Variants in IQCE observed in about 807,000 individuals in gnomAD.
IQCE encodes IQ domain-containing protein E.
Under a neutral mutation model 96.0 loss-of-function variants are expected in IQCE, and 115 were observed. That is an observed-to-expected ratio of 1.20 (90% CI 1.03 to 1.40). The LOEUF is 1.40. Ranked by LOEUF, IQCE falls within the 40% of genes most tolerant of loss-of-function variation. IQCE has a pLI of 0.00. For missense variants in IQCE, 1,041 were observed against 909.1 expected (o/e 1.15, Z -1.87); for synonymous variants, 412 against 371.2 (o/e 1.11, Z -1.26).
rs1285598048 is a variant in IQCE, at chr7:2,614,524, T to C, written c.*4362T>C. ...ACCCTTAAAAGCAACAGAAATGACG[T>C]CTGGAAGCTGAAATGTGAAACTGTC... On this transcript the variant is annotated 3_prime_UTR_variant, in exon 22 of 22. Transcript: ENST00000402050. 6.6e-6 allele frequency: 1 copy of C among 152,180 alleles called. No homozygotes were observed. The highest frequency in any genetic ancestry group is 1.5e-5 in the Non-Finnish European group (1 of 68,036). 9.4% of individuals were successfully genotyped at this position (152,180 alleles called of 1,614,324 possible).
At chr7:2,562,179 T>G (rs1295443479) in intron 1 of IQCE, among the ~76,000 whole-genome samples, 1 of 152,132 alleles carries the variant, frequency 6.6e-6, no homozygotes, top group Non-Finnish European at 1.5e-5. Flanking sequence ...TTTATTAATA[T>G]GGAATATTGA....
rs1265342485 is a variant in IQCE, at chr7:2,614,365, GAC to G, written c.*4209_*4210del. On this transcript the variant is annotated 3_prime_UTR_variant, in exon 22 of 22. Coordinates refer to ENST00000402050, the MANE Select transcript of IQCE (RefSeq NM_152558.5). ...CGGATTCTCTGAGGACCAGGGAGTTGACACACAAACCCCGCCATGGGTCCGAG... is the reference window on the plus strand; with the variant it reads ...CGGATTCTCTGAGGACCAGGGAGTTGACACAAACCCCGCCATGGGTCCGAG... 6.6e-6 allele frequency: 1 copy of G among 152,234 alleles called. No individual in the cohort carries two copies. The highest frequency in any genetic ancestry group is 6.5e-5 in the Admixed American group (1 of 15,288). The allele number at this position is 152,234 out of a possible 1,614,324, so 9.4% of individuals were successfully genotyped here.
intron 5 of IQCE, chr7:2,572,618 G>T: frequency 3.5e-6 from 2 of 569,142 alleles, no homozygotes; most frequent in Non-Finnish European, 6.5e-6. Context: ...TTGAGTAAAT[G>T]ATATTAGGAA....
intron 16 of IQCE, 74 bp from the exon 17 acceptor site, chr7:2,598,391 T>G (rs1784205149): frequency 1.4e-6 from 2 of 1,411,522 alleles, no homozygotes; most frequent in South Asian, 2.8e-5. Context: ...CCGGGTAATA[T>G]CCTGTCCCCT....
At chr7:2,597,727 G>A (rs1316266159) in intron 16 of IQCE, among the ~76,000 whole-genome samples, 1 of 152,196 alleles carries the variant, frequency 6.6e-6, no homozygotes, top group African/African-American at 2.4e-5. Context: ...GACTACAGCG[G>A]CACAATCATG....
chr7:2,582,696 C>G (rs372089191), intron 9 of IQCE, 46 bp downstream of exon 9: 18 of 1,564,502 alleles, frequency 1.2e-5, no homozygotes, highest in African/African-American at 1.1e-4. Context: ...GCCCCGTGTT[C>G]TGCTTGCTCA....
chr7:2,588,112 C>G (rs563669277), intron 13 of IQCE, among the ~76,000 whole-genome samples: 1 of 152,244 alleles, frequency 6.6e-6, no homozygotes, highest in Non-Finnish European at 1.5e-5. Context: ...GCGCTTCGCA[C>G]TGGAGCCCCT....
rs918903436 is a variant in IQCE, at chr7:2,571,355, G to A, written c.131-171G>A. On this transcript the variant is annotated intron_variant, in intron 3 of 21. Coordinates refer to ENST00000402050, the MANE Select transcript of IQCE (RefSeq NM_152558.5). ...TTTCTTTATAATAAAAGTTAAAGGA[G>A]AAATGTCAGTATATAGGTAAAGTAA... 17 of 760,770 alleles carry A rather than the reference G, an allele frequency of 2.2e-5. 1 individual carries two copies. Among genetic ancestry groups the A allele is most frequent in the East Asian group, 1.3e-4 (5 of 37,102 alleles). 47.1% of individuals were successfully genotyped at this position (760,770 alleles called of 1,614,324 possible).
intron 1 of IQCE, 66 bp downstream of exon 1, chr7:2,559,283 C>T (rs915738229): frequency 2.9e-6 from 3 of 1,046,218 alleles, no homozygotes; most frequent in African/African-American, 1.7e-5. Context: ...CTCCGTCGCC[C>T]GCAGCCTCGG....
At chr7:2,579,702 TGTGTG>T (rs1782506389) in intron 8 of IQCE, among the ~76,000 whole-genome samples, 1 of 19,430 alleles carries the variant, frequency 5.1e-5, no homozygotes, top group Admixed American at 4.7e-4. Context: ...GTTCTGGTGG[TGTGTG>T]TGTGTGTGTG....
chr7:2,587,993 G>A, intron 13 of IQCE, 116 bp downstream of exon 13: 1 of 973,536 alleles, frequency 1.0e-6, no homozygotes, highest in Non-Finnish European at 1.6e-6. Flanking sequence ...CTGCCAGGCA[G>A]CGCCACACAC....
At chr7:2,591,043 A>G (rs1336970545) in intron 14 of IQCE, among the ~76,000 whole-genome samples, 2 of 152,318 alleles carry the variant, frequency 1.3e-5, no homozygotes, top group African/African-American at 4.8e-5. Context: ...GCCTGAGTCC[A>G]GGAGTTCGAG....
At chr7:2,566,182 A>C (rs567742674) in intron 1 of IQCE, among the ~76,000 whole-genome samples, 2 of 152,326 alleles carry the variant, frequency 1.3e-5, no homozygotes, top group South Asian at 4.1e-4. Flanking sequence ...CGCATTGGAA[A>C]GCACCAATAT....
At chr7:2,582,747 C>T in intron 9 of IQCE, 97 bp downstream of exon 9, 1 of 1,047,878 alleles carries the variant, frequency 9.5e-7, no homozygotes, top group Non-Finnish European at 1.4e-6. Context: ...TCCTGTGTCC[C>T]TACTCCCAGC....
At chr7:2,596,310 T>C (rs1460592446) in intron 16 of IQCE, among the ~76,000 whole-genome samples, 2 of 144,614 alleles carry the variant, frequency 1.4e-5, no homozygotes, top group African/African-American at 2.6e-5. Context: ...GGTCTGAAAA[T>C]AGAGGAGAGA....
intron 8 of IQCE, chr7:2,580,280 T>A (rs1782562433): frequency 4.0e-5 from 6 of 150,376 alleles, no homozygotes. Context: ...AGTGATAGAT[T>A]TTAGAGCATA....
intron 16 of IQCE, among the ~76,000 whole-genome samples, chr7:2,596,360 A>G (rs1423367207): frequency 3.3e-5 from 5 of 151,856 alleles, no homozygotes; most frequent in African/African-American, 1.2e-4. Context: ...TGAAAACACT[A>G]TTGAAATACA....
chr7:2,577,805 T>C, intron 6 of IQCE, among the ~76,000 whole-genome samples: 1 of 137,088 alleles, frequency 7.3e-6, no homozygotes, highest in African/African-American at 2.8e-5. Flanking sequence ...GGCGTGTGCG[T>C]GGCTGTGCGC....
intron 19 of IQCE, 133 bp from the exon 20 acceptor site, chr7:2,605,743 G>A: frequency 2.3e-6 from 2 of 876,092 alleles, no homozygotes; most frequent in Non-Finnish European, 3.1e-6. Flanking sequence ...CAATTCCCGG[G>A]AGGCAGGGCC....
Sources: allele counts gnomAD v4.1 joint callset (sites outside exome capture counted in the v4.1 genomes callset), GRCh38; gene constraint gnomAD v4.1.1; transcripts MANE v1.5; gene names NCBI Gene and HGNC (gene_info 2026-07-23, HGNC 2026-07-21).